The following KLHL29 variants were observed in gnomAD, a reference collection of about 807,000 sequenced individuals.
KLHL29 encodes kelch like family member 29.
KLHL29 carries 21 observed loss-of-function variants against 80.4 expected under a neutral mutation model. The ratio of observed to expected loss-of-function variants is 0.26; its 90% confidence interval spans 0.19 to 0.38. The LOEUF (loss-of-function observed/expected upper bound fraction) is 0.38. Ranked by LOEUF, KLHL29 falls within the 10% of genes least tolerant of loss-of-function variation. The probability of loss-of-function intolerance (pLI) is 1.00; values close to 1 mark genes in which losing one functional copy is unlikely to be tolerated. For synonymous variants in KLHL29, 511 were observed against 526.8 expected (o/e 0.97, Z 0.41); for missense variants, 867 against 1,223.9 (o/e 0.71, Z 4.35).
chr2:23,493,787 C>G (rs546351182), intron 2 of KLHL29, among the ~76,000 whole-genome samples: 1 of 152,052 alleles, frequency 6.6e-6, no homozygotes, highest in African/African-American at 2.4e-5. Flanking sequence ...GAGACTTTTT[C>G]TTTTAGTGAG....
intron 2 of KLHL29, among the ~76,000 whole-genome samples, chr2:23,517,586 A>G (rs1665977230): frequency 6.7e-6 from 1 of 149,942 alleles, no homozygotes; most frequent in Admixed American, 6.7e-5. Context: ...AACATTTGAA[A>G]TTTGGTCCTT....
chr2:23,597,307 ATATGTG>A lies in KLHL29; in HGVS notation c.285+34828_285+34833del, dbSNP rs1668435664. 8.8e-4 allele frequency among the ~76,000 whole-genome samples: 94 copies of A among 106,608 alleles called. 1 individual carries two copies. The highest frequency in any genetic ancestry group is 2.9e-3 in the African/African-American group (69 of 23,480). The allele number at this position is 106,608 out of a possible 152,430, so 69.9% of individuals were successfully genotyped here. A position where few individuals can be genotyped will look rare whatever the true frequency, so the allele number is the denominator to read the frequency against. ...ATCTCTCTCTCTCTCATATATATAT[ATATGTG>A]TGTGTGTGTGTGTGTGTGTGTGTGT... On this transcript the variant is annotated intron_variant, in intron 3 of 13. Coordinates refer to ENST00000486442, the MANE Select transcript of KLHL29 (RefSeq NM_052920.2).
intron 2 of KLHL29, among the ~76,000 whole-genome samples, chr2:23,515,055 C>T (rs1286486049): frequency 2.6e-5 from 4 of 152,200 alleles, no homozygotes; most frequent in Non-Finnish European, 5.9e-5. Context: ...GCCCAGCACA[C>T]AGAGACACTT....
At chr2:23,565,846 T>TGACTGGGGGACTAGTGTCAG (rs1667576899) in intron 3 of KLHL29, among the ~76,000 whole-genome samples, 1 of 152,176 alleles carries the variant, frequency 6.6e-6, no homozygotes, top group African/African-American at 2.4e-5. Context: ...CTGAGGAAAG[T>TGACTGGGGGACTAGTGTCAG]GACTGGGGGA....
chr2:23,483,594 C>G (rs4665599), intron 2 of KLHL29, among the ~76,000 whole-genome samples: 2,700 of 152,328 alleles, frequency 0.018, 226 homozygotes, highest in Admixed American at 0.15. Flanking sequence ...ACCTCTAAGG[C>G]TAAAGATAGA....
intron 3 of KLHL29, among the ~76,000 whole-genome samples, chr2:23,569,856 GTTC>G (rs1215992929): frequency 1.3e-5 from 2 of 152,176 alleles, no homozygotes; most frequent in South Asian, 4.1e-4. Context: ...CCCTATCCTT[GTTC>G]TTCTTACTTT....
intron 1 of KLHL29, among the ~76,000 whole-genome samples, chr2:23,425,135 T>A (rs779793132): frequency 2.0e-5 from 3 of 152,240 alleles, no homozygotes; most frequent in Non-Finnish European, 4.4e-5. Context: ...AATGCTCATT[T>A]AATATAATCC....
chr2:23,619,743 C>T (rs150619023), intron 3 of KLHL29, among the ~76,000 whole-genome samples: 11 of 152,240 alleles, frequency 7.2e-5, no homozygotes, highest in Middle Eastern at 3.4e-3. Flanking sequence ...AATGGAAGCA[C>T]GTCTGGGGCG....
At chr2:23,603,600 A>T (rs1668628765) in intron 3 of KLHL29, among the ~76,000 whole-genome samples, 1 of 152,178 alleles carries the variant, frequency 6.6e-6, no homozygotes, top group Non-Finnish European at 1.5e-5. Context: ...GATTTTCTAA[A>T]AGAGGGAGAT....
intron 11 of KLHL29, among the ~76,000 whole-genome samples, chr2:23,701,783 CTTTTTTTTGCTTTTTTT>C (rs957952305): frequency 1.7e-5 from 2 of 118,492 alleles, no homozygotes; most frequent in African/African-American, 6.3e-5. Flanking sequence ...GCACACATGG[CTTTTTTTTGCTTTTTTT>C]TTTTTTTTTT....
chr2:23,452,667 GTCT>G (rs1558343493), intron 1 of KLHL29, among the ~76,000 whole-genome samples: 1 of 152,096 alleles, frequency 6.6e-6, no homozygotes, highest in Non-Finnish European at 1.5e-5. Context: ...GTCCCTGTTG[GTCT>G]TCTTTCTAGA....
intron 2 of KLHL29, among the ~76,000 whole-genome samples, chr2:23,495,152 T>C (rs1485772289): frequency 3.9e-5 from 6 of 152,076 alleles, no homozygotes; most frequent in Admixed American, 3.3e-4. Flanking sequence ...TCTCCCAGAG[T>C]GCTGGGATCA....
intron 11 of KLHL29, among the ~76,000 whole-genome samples, chr2:23,698,332 C>T (rs1672115927): frequency 6.6e-6 from 1 of 152,222 alleles, no homozygotes; most frequent in Admixed American, 6.5e-5. Flanking sequence ...GGGCAGTGTG[C>T]ATGCAAGTGG....
intron 2 of KLHL29, among the ~76,000 whole-genome samples, chr2:23,512,171 C>T (rs927875520): frequency 1.1e-4 from 16 of 152,104 alleles, no homozygotes; most frequent in Non-Finnish European, 1.9e-4. Context: ...ATAGGCCGGA[C>T]GCGGTGGCTC....
chr2:23,546,435 A>T (rs530829754), intron 2 of KLHL29, among the ~76,000 whole-genome samples: 61 of 152,278 alleles, frequency 4.0e-4, no homozygotes, highest in African/African-American at 1.4e-3. Context: ...AATCATTTAT[A>T]TCAAGATGTG....
At chr2:23,582,275 C>T (rs2103510323) in intron 3 of KLHL29, among the ~76,000 whole-genome samples, 1 of 152,254 alleles carries the variant, frequency 6.6e-6, no homozygotes, top group Non-Finnish European at 1.5e-5. Context: ...TATAAATGCA[C>T]CCTGATGTTT....
Position 23,537,888 on chromosome 2 carries a change from A to G in KLHL29, c.-45-24264A>G, listed in dbSNP as rs77662303. ...CTTTGGAATGTGTCCAAAGGGTGGC[A>G]GGATTCATGCCACAGCCTTCATGAC... On this transcript the variant is annotated intron_variant, in intron 2 of 13. Coordinates refer to ENST00000486442, the MANE Select transcript of KLHL29 (RefSeq NM_052920.2). 4.4e-3 allele frequency among the ~76,000 whole-genome samples: 674 copies of G among 152,318 alleles called. 4 individuals are homozygous for G. The highest frequency in any genetic ancestry group is 0.015 in the African/African-American group (639 of 41,576).
chr2:23,407,992 A>G (rs534261015), intron 1 of KLHL29, among the ~76,000 whole-genome samples: 9 of 150,192 alleles, frequency 6.0e-5, no homozygotes, highest in South Asian at 2.1e-4. Context: ...ACTCACTGCA[A>G]CTCCACCTCC....
intron 2 of KLHL29, chr2:23,532,534 T>C (rs1312656575): frequency 2.2e-6 from 1 of 456,420 alleles, no homozygotes; most frequent in Non-Finnish European, 4.4e-6. Flanking sequence ...TTAGACTTTT[T>C]CTTGCTCCTA....
Sources: gnomAD v4.1 joint callset for allele counts (sites outside exome capture counted in the v4.1 genomes callset) on GRCh38, gnomAD v4.1.1 for gene constraint, MANE v1.5 for transcripts, NCBI Gene and HGNC (gene_info 2026-07-23, HGNC 2026-07-21) for gene names.